UMAD1: variants seen among roughly 807,000 people sequenced by gnomAD.
The protein encoded by UMAD1 is UBAP1-MVB12-associated (UMA) domain containing 1.
Under a neutral mutation model 6.1 loss-of-function variants are expected in UMAD1, and 8 were observed. The observed-to-expected ratio is 1.30, with a 90% CI of 0.76 to 2.35. The LOEUF (loss-of-function observed/expected upper bound fraction) is 2.35, where lower values mean the gene tolerates loss of function less well. Ranked by LOEUF, UMAD1 falls within the 30% of genes most tolerant of loss-of-function variation. The probability of loss-of-function intolerance (pLI) is 0.00; values close to 1 mark genes in which losing one functional copy is unlikely to be tolerated. For missense variants in UMAD1, 130 were observed against 78.4 expected, an observed-to-expected ratio of 1.66 and a Z score of -2.49; for synonymous variants, 56 against 31.4, an observed-to-expected ratio of 1.78 and a Z score of -2.61.
At chr7:7,858,769 CAGTT>C (rs1784064812) in intron 3 of UMAD1, among the ~76,000 whole-genome samples, 1 of 152,184 alleles carries the variant, frequency 6.6e-6, no homozygotes, top group African/African-American at 2.4e-5. Context: ...CCATTTCTGA[CAGTT>C]AGCAGACGGA....
At chr7:7,847,104 A>AT (rs1273225137) in intron 3 of UMAD1, among the ~76,000 whole-genome samples, 5 of 6,618 alleles carry the variant, frequency 7.6e-4, no homozygotes, top group South Asian at 7.8e-3. Context: ...AAAAAAAAAA[A>AT]ATATATATAT....
intron 2 of UMAD1, among the ~76,000 whole-genome samples, chr7:7,781,846 A>C (rs993222629): frequency 2.7e-5 from 4 of 146,464 alleles, no homozygotes; most frequent in African/African-American, 1.0e-4. Flanking sequence ...TGTAGAATAA[A>C]GAAATAGAAA....
At chr7:7,820,146 A>G (rs1783213618) in intron 3 of UMAD1, among the ~76,000 whole-genome samples, 1 of 152,190 alleles carries the variant, frequency 6.6e-6, no homozygotes, top group Non-Finnish European at 1.5e-5. Flanking sequence ...TCCTCAATTC[A>G]GTTAAGGGTT....
At chr7:7,768,847 T>C (rs28754571) in intron 2 of UMAD1, among the ~76,000 whole-genome samples, 1,934 of 152,330 alleles carry the variant, frequency 0.013, 48 homozygotes, top group African/African-American at 0.044. Context: ...AGTAAGCGTC[T>C]TATGTTATTC....
intron 3 of UMAD1, among the ~76,000 whole-genome samples, chr7:7,824,259 C>G (rs1476130175): frequency 2.0e-5 from 3 of 152,124 alleles, no homozygotes; most frequent in African/African-American, 7.2e-5. Flanking sequence ...CCTTCAGTAA[C>G]TACTTATCAG....
At chr7:7,737,124 T>G (rs1202713086) in intron 2 of UMAD1, among the ~76,000 whole-genome samples, 1 of 152,238 alleles carries the variant, frequency 6.6e-6, no homozygotes, top group Non-Finnish European at 1.5e-5. Context: ...GGAGTTAAGC[T>G]TACAAATTAT....
intron 2 of UMAD1, among the ~76,000 whole-genome samples, chr7:7,793,481 C>T (rs17137826): frequency 2.6e-5 from 4 of 152,246 alleles, no homozygotes; most frequent in South Asian, 2.1e-4. Context: ...ATTTTAAAAG[C>T]GAGCTCATTA....
In UMAD1 at chr7:7,853,875, T is replaced by G. The variant is rs1783965145; in HGVS notation, c.157-23406T>G. Among the ~76,000 whole-genome samples, 4 of 152,286 alleles carry G rather than the reference T, an allele frequency of 2.6e-5. No individual in the cohort carries two copies. In the South Asian group the frequency reaches 8.3e-4, roughly 32 times the overall value. On this transcript the variant is annotated intron_variant, in intron 3 of 3. Transcript: ENST00000682710. ...AATAGAAGTAGCAAGAATGGATACC[T>G]TGTCTTGTTCCTGGTCTTAGGGGAA...
At chr7:7,825,055 A>C (rs767314269) in intron 3 of UMAD1, among the ~76,000 whole-genome samples, 1 of 152,104 alleles carries the variant, frequency 6.6e-6, no homozygotes, top group Non-Finnish European at 1.5e-5. Flanking sequence ...CTTTCCATTC[A>C]GGTTTGTAGC....
chr7:7,707,606 T>C (rs1050894162), intron 2 of UMAD1, among the ~76,000 whole-genome samples: 1 of 152,200 alleles, frequency 6.6e-6, no homozygotes, highest in African/African-American at 2.4e-5. Context: ...TTCATAAAGC[T>C]AACAAATAAT....
chr7:7,677,940 T>A (rs1779790509), intron 2 of UMAD1, among the ~76,000 whole-genome samples: 1 of 152,004 alleles, frequency 6.6e-6, no homozygotes, highest in Admixed American at 6.5e-5. Context: ...CCCAAAGTGC[T>A]GGGATTACAG....
chr7:7,664,192 G>A (rs1426617687), intron 1 of UMAD1, among the ~76,000 whole-genome samples: 1 of 152,058 alleles, frequency 6.6e-6, no homozygotes, highest in African/African-American at 2.4e-5. Flanking sequence ...CTTCTCTTAA[G>A]ATAAAGTCCC....
intron 3 of UMAD1, among the ~76,000 whole-genome samples, chr7:7,802,017 A>G (rs1478264477): frequency 6.6e-6 from 1 of 152,268 alleles, no homozygotes; most frequent in Admixed American, 6.5e-5. Context: ...ACTATTTTTA[A>G]TTGAGTGATT....
At chr7:7,863,488 T>C (rs562937300) in intron 3 of UMAD1, among the ~76,000 whole-genome samples, 2 of 152,364 alleles carry the variant, frequency 1.3e-5, no homozygotes, top group African/African-American at 4.8e-5. Flanking sequence ...CTATGGGGCA[T>C]GCACATGTTT....
intron 3 of UMAD1, among the ~76,000 whole-genome samples, chr7:7,844,387 G>C (rs1259181965): frequency 1.3e-5 from 2 of 152,040 alleles, no homozygotes; most frequent in East Asian, 3.9e-4. Flanking sequence ...CTATCACATA[G>C]GTCCTGGTTG....
At chr7:7,856,892 T>C (rs1784029387) in intron 3 of UMAD1, among the ~76,000 whole-genome samples, 1 of 152,184 alleles carries the variant, frequency 6.6e-6, no homozygotes, top group Non-Finnish European at 1.5e-5. Flanking sequence ...GGGCACATTT[T>C]TGTGCAAGTC....
At chr7:7,854,893 G>A (rs1055260134) in intron 3 of UMAD1, among the ~76,000 whole-genome samples, 1 of 152,164 alleles carries the variant, frequency 6.6e-6, no homozygotes, top group African/African-American at 2.4e-5. Context: ...TACAATGGGG[G>A]TACAGGCATT....
intron 2 of UMAD1, among the ~76,000 whole-genome samples, chr7:7,743,949 A>G (rs1396491767): frequency 6.6e-6 from 1 of 152,102 alleles, no homozygotes; most frequent in Admixed American, 6.5e-5. Context: ...CATAACATTA[A>G]CGTAAAGTGT....
chr7:7,769,545 C>T lies in UMAD1; in HGVS notation c.83-32125C>T, dbSNP rs189402365. Among the ~76,000 whole-genome samples the T allele has an allele frequency of 9.9e-5, 15 of 152,194 alleles. No individual in the cohort carries two copies. In the East Asian group the frequency reaches 2.9e-3, roughly 29 times the overall value. On this transcript the variant is annotated intron_variant, in intron 2 of 3. Transcript: ENST00000682710. Reference sequence around the variant, plus strand: ...ATGATTCCTTCCCCAGTGAAATGCTCGTCGAGTGCTTGCTGTGTACCCAGC... The same window carrying T: ...ATGATTCCTTCCCCAGTGAAATGCTTGTCGAGTGCTTGCTGTGTACCCAGC...
Sources: gnomAD v4.1 joint callset for allele counts (sites outside exome capture counted in the v4.1 genomes callset) on GRCh38, gnomAD v4.1.1 for gene constraint, MANE v1.5 for transcripts, NCBI Gene and HGNC (gene_info 2026-07-23, HGNC 2026-07-21) for gene names.